PTPRO: variants seen among roughly 807,000 people sequenced by gnomAD.
The protein encoded by PTPRO is protein tyrosine phosphatase receptor type O.
A neutral mutation model predicts 145.2 loss-of-function variants in PTPRO; 62 were observed. The ratio of observed to expected loss-of-function variants is 0.43; its 90% CI spans 0.35 to 0.53. The LOEUF (loss-of-function observed/expected upper bound fraction) is 0.53. Ranked by LOEUF, PTPRO falls within the 20% of genes least tolerant of loss-of-function variation. The pLI is 0.01. For synonymous variants in PTPRO, 565 were observed against 514.7 expected, an observed-to-expected ratio of 1.10 and a Z score of -1.32; for missense variants, 1,345 against 1,482.7, an observed-to-expected ratio of 0.91 and a Z score of 1.53.
chr12:15,322,588 A>G lies in PTPRO; in HGVS notation c.-139A>G. The G allele has an allele frequency of 1.4e-6, 1 of 728,906 alleles. No homozygotes were observed. Among genetic ancestry groups the G allele is most frequent in the Non-Finnish European group, 2.5e-6 (1 of 405,184 alleles). The allele number at this position is 728,906 out of a possible 1,614,324, so 45.2% of individuals were successfully genotyped here. On this transcript the variant is annotated 5_prime_UTR_variant, in exon 1 of 27. Coordinates refer to ENST00000281171, the MANE Select transcript of PTPRO (RefSeq NM_030667.3). This position sits in a 1 kb window ranked among gnomAD's most constrained non-coding sequence, Gnocchi z 6.3. ...GAGGAAAGGGAGCAGGCGCAGGGGG[A>G]CTGGAAAGGCAGCATGCGCTCGCCA...
At chr12:15,547,116 T>C (rs1471341252) in intron 13 of PTPRO, among the ~76,000 whole-genome samples, 2 of 152,322 alleles carry the variant, frequency 1.3e-5, no homozygotes, top group East Asian at 3.9e-4. Context: ...GGTGTAGACA[T>C]TGCATAAGTA....
intron 1 of PTPRO, among the ~76,000 whole-genome samples, chr12:15,329,775 T>C (rs1370659357): frequency 6.6e-6 from 1 of 152,174 alleles, no homozygotes; most frequent in African/African-American, 2.4e-5. Flanking sequence ...CATTAGAATA[T>C]GGTGTTTTGT....
chr12:15,561,084 T>A (rs1943761480), intron 17 of PTPRO, among the ~76,000 whole-genome samples: 2 of 152,074 alleles, frequency 1.3e-5, no homozygotes, highest in Non-Finnish European at 2.9e-5. Context: ...TGCTATAAGA[T>A]AAAAGGTAGC....
chr12:15,485,384 A>G (rs919255084), intron 2 of PTPRO, among the ~76,000 whole-genome samples: 6 of 152,164 alleles, frequency 3.9e-5, no homozygotes, highest in African/African-American at 1.4e-4. Context: ...AGCTCTAGAA[A>G]AAGATGAATT....
At chr12:15,474,099 C>T (rs1167533552) in intron 1 of PTPRO, among the ~76,000 whole-genome samples, 3 of 152,060 alleles carry the variant, frequency 2.0e-5, no homozygotes, top group Non-Finnish European at 1.5e-5. Flanking sequence ...GATAATAACT[C>T]TTGTTTCTAA....
intron 1 of PTPRO, among the ~76,000 whole-genome samples, chr12:15,353,659 G>T (rs1438357788): frequency 1.3e-5 from 2 of 152,096 alleles, no homozygotes; most frequent in Non-Finnish European, 2.9e-5. Context: ...AAAGGCTTTG[G>T]TTAACTCTCA....
chr12:15,385,807 A>G (rs138556108), intron 1 of PTPRO, among the ~76,000 whole-genome samples: 2 of 127,712 alleles, frequency 1.6e-5, no homozygotes, highest in African/African-American at 6.8e-5. Flanking sequence ...GCAAGACTCC[A>G]TCTCAAAAAA....
chr12:15,591,304 G>T (rs1591778303), intron 25 of PTPRO, among the ~76,000 whole-genome samples: 1 of 152,056 alleles, frequency 6.6e-6, no homozygotes, highest in Non-Finnish European at 1.5e-5. Context: ...CCAGGAGACG[G>T]AGGTTGCAAT....
chr12:15,516,212 G>T (rs566372059), intron 8 of PTPRO, among the ~76,000 whole-genome samples: 2 of 149,708 alleles, frequency 1.3e-5, no homozygotes, highest in South Asian at 2.1e-4. Flanking sequence ...GGATGGTCTC[G>T]ATCTGACCTC....
intron 7 of PTPRO, among the ~76,000 whole-genome samples, chr12:15,514,946 G>A (rs1010000848): frequency 5.3e-5 from 8 of 151,758 alleles, no homozygotes; most frequent in African/African-American, 1.9e-4. Context: ...TTGTATTTTA[G>A]TAGAGACAGG....
chr12:15,460,260 A>G (rs148570977), intron 1 of PTPRO, among the ~76,000 whole-genome samples: 2,047 of 152,294 alleles, frequency 0.013, 33 homozygotes, highest in Middle Eastern at 0.024. Context: ...TGTCTTGTGG[A>G]TCAGCAGCAT....
At chr12:15,409,576 T>C (rs192436794) in intron 1 of PTPRO, among the ~76,000 whole-genome samples, 3 of 152,298 alleles carry the variant, frequency 2.0e-5, no homozygotes, top group Admixed American at 6.5e-5. Context: ...GGATAATTCA[T>C]AAAGAAAAGA....
chr12:15,335,512 T>C (rs1866733983), intron 1 of PTPRO, among the ~76,000 whole-genome samples: 1 of 152,270 alleles, frequency 6.6e-6, no homozygotes, highest in Non-Finnish European at 1.5e-5. Context: ...CCTAACTAAA[T>C]TATACTTTTT....
chr12:15,502,632 C>T (rs1459624768), intron 5 of PTPRO, among the ~76,000 whole-genome samples: 1 of 152,108 alleles, frequency 6.6e-6, no homozygotes, highest in Non-Finnish European at 1.5e-5. Context: ...CTGACATTTC[C>T]ATATAGCTAC....
At position 15,565,501 on chromosome 12, in the gene PTPRO, T is replaced by A. The variant is rs114913080; in HGVS notation, c.2712-92T>A. ...GAAAATTAAATAAAACTGAGGTACC[T>A]GATGTAATTATTTAAAGCTGTTCAA... is the stretch of plus-strand genomic sequence containing the variant. On this transcript the variant is annotated intron_variant, in intron 17 of 26. Transcript: ENST00000281171. The A allele has an allele frequency of 3.0e-3, 2,446 of 823,286 alleles. 48 individuals carry two copies. The African/African-American group carries it at 0.038, about 13-fold the overall frequency. The allele number at this position is 823,286 out of a possible 1,614,324, so 51.0% of individuals were successfully genotyped here.
At chr12:15,340,463 C>T (rs1866939129) in intron 1 of PTPRO, among the ~76,000 whole-genome samples, 1 of 152,150 alleles carries the variant, frequency 6.6e-6, no homozygotes, top group South Asian at 2.1e-4. Flanking sequence ...CATCCAAAAT[C>T]ATTCTTGCGG....
intron 1 of PTPRO, among the ~76,000 whole-genome samples, chr12:15,389,540 G>C (rs1939131152): frequency 2.0e-5 from 3 of 152,122 alleles, no homozygotes; most frequent in Admixed American, 2.0e-4. Flanking sequence ...TATTAATAAA[G>C]AGATTTTGTC....
intron 1 of PTPRO, among the ~76,000 whole-genome samples, chr12:15,382,402 C>CCTGGATT (rs1210425251): frequency 6.6e-6 from 1 of 152,154 alleles, no homozygotes; most frequent in East Asian, 1.9e-4. Flanking sequence ...GTGGCAAGTG[C>CCTGGATT]CTGGATTCTG....
rs1943992007 is a variant in PTPRO, at chr12:15,569,627, G to A, written c.2829+129G>A. The A allele has an allele frequency of 3.8e-6, 3 of 789,478 alleles. No individual in the cohort carries two copies. In the South Asian group the frequency reaches 5.1e-5, roughly 13 times the overall value. The allele number at this position is 789,478 out of a possible 1,614,324, so 48.9% of individuals were successfully genotyped here. A position where few individuals can be genotyped will look rare whatever the true frequency, so the allele number is the denominator to read the frequency against. On this transcript the variant is annotated intron_variant, in intron 19 of 26. Coordinates refer to ENST00000281171, the MANE Select transcript of PTPRO (RefSeq NM_030667.3). ...AAAGGGTATTGGCCTGGGGATTGCT[G>A]ATCTGCTGGTTTAGAGCAAGGGTTG...
Sources: allele counts gnomAD v4.1 joint callset (sites outside exome capture counted in the v4.1 genomes callset), GRCh38; gene constraint gnomAD v4.1.1; non-coding constraint Gnocchi (gnomAD v3.1); transcripts MANE v1.5; gene names NCBI Gene and HGNC (gene_info 2026-07-23, HGNC 2026-07-21).